WWOX: variants seen among roughly 807,000 people sequenced by gnomAD.
The protein encoded by WWOX is WW domain containing oxidoreductase.
In WWOX, 69 loss-of-function variants were observed where a neutral mutation model predicts 46.2. That is an observed-to-expected ratio of 1.49 (90% CI 1.23 to 1.82). The LOEUF is 1.82. Ranked by LOEUF, WWOX falls within the 40% of genes most tolerant of loss-of-function variation. WWOX has a pLI of 0.00. For missense variants in WWOX, 919 were observed against 542.6 expected (o/e 1.69, Z -6.89); for synonymous variants, 359 against 202.6 (o/e 1.77, Z -6.56).
At chr16:78,589,183 GTT>G (rs1216845906) in intron 8 of WWOX, among the ~76,000 whole-genome samples, 1 of 152,208 alleles carries the variant, frequency 6.6e-6, no homozygotes, top group African/African-American at 2.4e-5. Flanking sequence ...ATGGAGTGTT[GTT>G]TGTTATTTTT....
intron 5 of WWOX, among the ~76,000 whole-genome samples, chr16:78,351,817 C>T (rs996890035): frequency 6.6e-6 from 1 of 152,136 alleles, no homozygotes; most frequent in Non-Finnish European, 1.5e-5. Flanking sequence ...TCACCAGGCC[C>T]AGCTAATTTT....
intron 8 of WWOX, among the ~76,000 whole-genome samples, chr16:79,083,201 A>ACTTT (rs369545621): frequency 9.1e-4 from 138 of 152,262 alleles, no homozygotes; most frequent in African/African-American, 3.3e-3. Context: ...AGGTAGGGGC[A>ACTTT]CTTTGCTGCC....
intron 8 of WWOX, among the ~76,000 whole-genome samples, chr16:79,157,857 AG>A (rs1321663571): frequency 6.6e-6 from 1 of 152,152 alleles, no homozygotes; most frequent in African/African-American, 2.4e-5. Flanking sequence ...TAAGTAGACT[AG>A]GGTTTGAGTA....
chr16:78,927,677 A>C (rs1051414200), intron 8 of WWOX, among the ~76,000 whole-genome samples: 3 of 152,218 alleles, frequency 2.0e-5, no homozygotes, highest in Non-Finnish European at 4.4e-5. Context: ...CATAATTATC[A>C]GACTTAATCA....
chr16:79,196,210 G>T (rs79235560), intron 8 of WWOX: 2 of 152,118 alleles, frequency 1.3e-5, no homozygotes, highest in Non-Finnish European at 2.9e-5. Context: ...TGAGAGACTC[G>T]GAAATTACAC....
At chr16:78,999,065 A>G (rs1181389739) in intron 8 of WWOX, among the ~76,000 whole-genome samples, 3 of 152,082 alleles carry the variant, frequency 2.0e-5, no homozygotes, top group African/African-American at 7.2e-5. Context: ...AATATTCCGG[A>G]CGTGGAAATC....
intron 8 of WWOX, among the ~76,000 whole-genome samples, chr16:78,614,328 T>A (rs1318775106): frequency 6.6e-6 from 1 of 152,360 alleles, no homozygotes. Context: ...CATGGTTTAT[T>A]TGTGTGTGTA....
chr16:79,156,439 G>C (rs924235141), intron 8 of WWOX, among the ~76,000 whole-genome samples: 1 of 152,200 alleles, frequency 6.6e-6, no homozygotes, highest in Admixed American at 6.5e-5. Context: ...GGGATAACAG[G>C]CGTGAGCCAC....
chr16:78,917,612 C>G (rs530013721), intron 8 of WWOX, among the ~76,000 whole-genome samples: 2 of 152,060 alleles, frequency 1.3e-5, no homozygotes, highest in African/African-American at 2.4e-5. Context: ...CAGCTGCAGC[C>G]CTTCTACTTG....
At chr16:79,107,834 A>G (rs1432636885) in intron 8 of WWOX, among the ~76,000 whole-genome samples, 1 of 152,202 alleles carries the variant, frequency 6.6e-6, no homozygotes, top group African/African-American at 2.4e-5. Flanking sequence ...AATAGCCATA[A>G]TGTCTAATAA....
At chr16:78,295,568 G>A (rs1184903610) in intron 5 of WWOX, among the ~76,000 whole-genome samples, 1 of 152,086 alleles carries the variant, frequency 6.6e-6, no homozygotes, top group East Asian at 1.9e-4. Context: ...AAAATTAGCC[G>A]GACATGATGG....
intron 8 of WWOX, among the ~76,000 whole-genome samples, chr16:78,942,356 G>A (rs559746345): frequency 3.3e-5 from 5 of 152,184 alleles, no homozygotes; most frequent in South Asian, 2.1e-4. Flanking sequence ...AACCTCTAGC[G>A]CAGCCTACCC....
At position 78,853,873 on chromosome 16, in the gene WWOX, C is replaced by G. The variant is rs182458117; in HGVS notation, c.1057-357735C>G. Among the ~76,000 whole-genome samples the G allele has an allele frequency of 1.4e-3, 217 of 152,060 alleles. 2 individuals are homozygous for G. The highest frequency in any genetic ancestry group is 5.1e-3 in the African/African-American group (210 of 41,410). On this transcript the variant is annotated intron_variant, in intron 8 of 8. Transcript: ENST00000566780. ...TTCAGGTAAAATGGATGCTGACTGT[C>G]TGTCTGTCATATGAAGATTCAGACA...
intron 8 of WWOX, among the ~76,000 whole-genome samples, chr16:79,012,684 T>C (rs1013410492): frequency 3.2e-4 from 49 of 152,262 alleles, no homozygotes; most frequent in African/African-American, 1.1e-3. Context: ...GCAGAATGAA[T>C]AGTCTATGGA....
At chr16:78,561,335 C>A (rs942052865) in intron 8 of WWOX, among the ~76,000 whole-genome samples, 1 of 151,994 alleles carries the variant, frequency 6.6e-6, no homozygotes, top group African/African-American at 2.4e-5. Context: ...CATGTAGTTC[C>A]CTCCTGCTTT....
At chr16:78,648,189 T>G (rs2046886853) in intron 8 of WWOX, among the ~76,000 whole-genome samples, 1 of 152,152 alleles carries the variant, frequency 6.6e-6, no homozygotes, top group Non-Finnish European at 1.5e-5. Flanking sequence ...GCTATTTCTT[T>G]AGGACGTCAA....
intron 8 of WWOX, among the ~76,000 whole-genome samples, chr16:78,499,838 C>T (rs933320194): frequency 9.9e-5 from 15 of 152,176 alleles, no homozygotes; most frequent in Admixed American, 6.5e-4. Flanking sequence ...GATGCTGAGA[C>T]CTTGAATTTC....
In WWOX at chr16:78,872,085, C is replaced by T. The variant is rs551737772; in HGVS notation, c.1057-339523C>T. Among the ~76,000 whole-genome samples the T allele has an allele frequency of 2.8e-4, 42 of 152,284 alleles. No homozygotes were observed. In the South Asian group the frequency reaches 7.1e-3, roughly 26 times the overall value. On this transcript the variant is annotated intron_variant, in intron 8 of 8. Transcript: ENST00000566780. ...TAACCAGTGTTTGAAGTACGTAAGA[C>T]GTTCATTTCCACTTCTAATGAGGAA...
chr16:79,177,308 C>G (rs150986288), intron 8 of WWOX, among the ~76,000 whole-genome samples: 1 of 152,118 alleles, frequency 6.6e-6, no homozygotes, highest in Non-Finnish European at 1.5e-5. Context: ...CCTCATTGCT[C>G]GCTTCGTTTC....
Sources: gnomAD v4.1 joint callset for allele counts (sites outside exome capture counted in the v4.1 genomes callset) on GRCh38, gnomAD v4.1.1 for gene constraint, MANE v1.5 for transcripts, NCBI Gene and HGNC (gene_info 2026-07-23, HGNC 2026-07-21) for gene names.